Variants in SLC66A2 observed in about 807,000 individuals in gnomAD.
SLC66A2 encodes solute carrier family 66 member 2, also known as PQ loop repeat containing 1.
Under a neutral mutation model 25.5 loss-of-function variants are expected in SLC66A2, and 23 were observed. The ratio of observed to expected loss-of-function variants is 0.90; its 90% CI spans 0.65 to 1.28. The LOEUF (loss-of-function observed/expected upper bound fraction) is 1.28, where lower values mean the gene tolerates loss of function less well. SLC66A2 is among the 50% of genes most tolerant of loss of function. The pLI, the probability that SLC66A2 is intolerant of heterozygous loss-of-function variation, is 0.00. For synonymous variants in SLC66A2, 193 were observed against 166.5 expected (o/e 1.16, Z -1.23); for missense variants, 396 against 373.1 (o/e 1.06, Z -0.51).
chr18:79,915,388 G>GT (rs1179098366), intron 5 of SLC66A2: 1 of 152,368 alleles, frequency 6.6e-6, no homozygotes, highest in Non-Finnish European at 1.5e-5. Flanking sequence ...GCTCATTACC[G>GT]TAACTACAAC....
At chr18:79,912,133 T>TGGGAGCAGGGAGGGGAC (rs1568296610) in intron 5 of SLC66A2, among the ~76,000 whole-genome samples, 2 of 25,608 alleles carry the variant, frequency 7.8e-5, no homozygotes, top group African/African-American at 1.6e-4. Context: ...AGGGAGGGAG[T>TGGGAGCAGGGAGGGGAC]GGGAGCAGGG....
intron 5 of SLC66A2, 130 bp downstream of exon 5, chr18:79,919,054 T>C (rs1463318378): frequency 1.2e-6 from 1 of 841,410 alleles, no homozygotes; most frequent in Non-Finnish European, 1.9e-6. Context: ...TGCTATTCTT[T>C]AACCGGCAGC....
At chr18:79,924,500 A>G (rs542765488) in intron 4 of SLC66A2, among the ~76,000 whole-genome samples, 2 of 152,336 alleles carry the variant, frequency 1.3e-5, no homozygotes, top group African/African-American at 4.8e-5. Context: ...CTAATGAGAC[A>G]GTGGTGATGG....
At chr18:79,931,676 G>A (rs1254064420) in intron 4 of SLC66A2, among the ~76,000 whole-genome samples, 2 of 152,114 alleles carry the variant, frequency 1.3e-5, no homozygotes, top group South Asian at 2.1e-4. Flanking sequence ...TATTCTCCAG[G>A]ACAGATCATA....
chr18:79,943,308 TC>T lies in SLC66A2; in HGVS notation c.337+20del. 6.2e-7 allele frequency: 1 copy of T among 1,612,376 alleles called. No individual in the cohort carries two copies. The highest frequency in any genetic ancestry group is 8.5e-7 in the Non-Finnish European group (1 of 1,178,978). Reference sequence around the variant, plus strand: ...ACGCCCTGATTCCCTGCGACTTTATTCCGAAGCGCCGGCCACCAACCTGTAA... The same window carrying T: ...ACGCCCTGATTCCCTGCGACTTTATTCGAAGCGCCGGCCACCAACCTGTAA... On this transcript the variant is annotated intron_variant, in intron 3 of 5. Transcript: ENST00000397778.
intron 1 of SLC66A2, among the ~76,000 whole-genome samples, 144 bp downstream of exon 1, chr18:79,951,417 AGGCCCAGGATGGGGGCGCAC>A (rs1453958551): frequency 7.0e-6 from 1 of 143,460 alleles, no homozygotes; most frequent in African/African-American, 2.6e-5. Context: ...AAGGGGGCGC[AGGCCCAGGATGGGGGCGCAC>A]GGCTCGCGGG....
Position 79,940,908 on chromosome 18 carries a change from ATGCAGCTTGG to A in SLC66A2, c.337+2411_337+2420del. Among the ~76,000 whole-genome samples the A allele has an allele frequency of 6.6e-6, 1 of 152,290 alleles. No homozygotes were observed. The highest frequency in any genetic ancestry group is 1.9e-4 in the East Asian group (1 of 5,178). On this transcript the variant is annotated intron_variant, in intron 3 of 5. Coordinates refer to ENST00000397778, the MANE Select transcript of SLC66A2 (RefSeq NM_025078.5). The surrounding 1 kb of genome is among the most constrained non-coding windows in gnomAD (Gnocchi z 4.1). ...TGAGGTCATTTGGGGCCCAGGAGTC[ATGCAGCTTGG>A]TTCTCAGTCCTCCCCGGGGGAGGGC...
chr18:79,931,782 G>A lies in SLC66A2; in HGVS notation c.391+2187C>T, dbSNP rs189475070. The stretch of plus-strand genomic sequence containing the variant: ...AATCCTAGCTCTTTGGGAGGCTGTG[G>A]TGGGTGGGTGCCCTGAGCTCTGGAG... On this transcript the variant is annotated intron_variant, in intron 4 of 5. Transcript: ENST00000397778. 2.4e-3 allele frequency among the ~76,000 whole-genome samples: 368 copies of A among 152,270 alleles called. 2 individuals are homozygous for A. The highest frequency in any genetic ancestry group is 0.01 in the Middle Eastern group (3 of 294).
Position 79,902,919 on chromosome 18 carries a change from T to A in SLC66A2, c.*1057A>T, listed in dbSNP as rs1599456895. 1 of 152,016 alleles carries A rather than the reference T, an allele frequency of 6.6e-6. No homozygotes were observed. Among genetic ancestry groups the A allele is most frequent in the Non-Finnish European group, 1.5e-5 (1 of 68,264 alleles). 9.4% of individuals were successfully genotyped at this position (152,016 alleles called of 1,614,324 possible). The stretch of plus-strand genomic sequence containing the variant: ...AAGTGAGGGAGCCAGCACACGGGGG[T>A]GGGCAGTGGACAGGACAGGATGCGG... On this transcript the variant is annotated 3_prime_UTR_variant, in exon 6 of 6. Coordinates refer to ENST00000397778, the MANE Select transcript of SLC66A2 (RefSeq NM_025078.5).
rs531244353 is a variant in SLC66A2, at chr18:79,938,343, C to A, written c.338-4321G>T. Among the ~76,000 whole-genome samples the A allele has an allele frequency of 2.4e-3, 359 of 152,200 alleles. 4 individuals are homozygous for A. The highest frequency in any genetic ancestry group is 1.5e-3 in the Non-Finnish European group (103 of 68,026). ...AGACAGGTGTGCACTCACTCCCAAC[C>A]GCAGTCAGCCATGGCCTGGCCGAAG... On this transcript the variant is annotated intron_variant, in intron 3 of 5. Transcript: ENST00000397778.
intron 4 of SLC66A2, chr18:79,925,138 A>C (rs1469701663): frequency 6.6e-6 from 1 of 152,168 alleles, no homozygotes; most frequent in Non-Finnish European, 1.5e-5. Context: ...TAAATCAGCA[A>C]ATAAGAGAGA....
At chr18:79,916,304 C>CGTACCCGTGGTGCTCCT (rs1295597306) in intron 5 of SLC66A2, among the ~76,000 whole-genome samples, 11 of 151,680 alleles carry the variant, frequency 7.3e-5, no homozygotes, top group African/African-American at 2.7e-4. Flanking sequence ...GTGGTGCTCC[C>CGTACCCGTGGTGCTCCT]GTACCCGTGG....
chr18:79,910,952 G>C (rs1293946531), intron 5 of SLC66A2, among the ~76,000 whole-genome samples: 3 of 152,394 alleles, frequency 2.0e-5, no homozygotes, highest in African/African-American at 7.2e-5. Flanking sequence ...ATCAGGTAAA[G>C]CCATGTGGTC....
rs1395028601 is a variant in SLC66A2, at chr18:79,904,261, A to G, written c.609-78T>C. 7.5e-7 allele frequency: 1 copy of G among 1,338,396 alleles called. No individual in the cohort carries two copies. 82.9% of individuals were successfully genotyped at this position (1,338,396 alleles called of 1,614,324 possible). ...CAGTCAGTGGGGAGGCCTGGGGCTT[A>G]GACAGCGGGGAGACCTGGGGCTCAG... On this transcript the variant is annotated intron_variant, in intron 5 of 5. Transcript: ENST00000397778. This position sits in a 1 kb window ranked among gnomAD's most constrained non-coding sequence, Gnocchi z 6.3.
rs1171429810 is a variant in SLC66A2, at chr18:79,950,623, G to C, written c.203+101C>G. The C allele has an allele frequency of 2.6e-6, 3 of 1,132,246 alleles. No homozygotes were observed. In the African/African-American group the frequency reaches 4.6e-5, roughly 17 times the overall value. 70.1% of individuals were successfully genotyped at this position (1,132,246 alleles called of 1,614,324 possible). On this transcript the variant is annotated intron_variant, in intron 2 of 5. Coordinates refer to ENST00000397778, the MANE Select transcript of SLC66A2 (RefSeq NM_025078.5). ...GGCAGAGTGGGACGCTGGCCCAGCA[G>C]GGAGGTGTGGACCCTGCTGCTCCCC...
At chr18:79,916,923 A>T (rs1299728801) in intron 5 of SLC66A2, among the ~76,000 whole-genome samples, 1 of 152,256 alleles carries the variant, frequency 6.6e-6, no homozygotes, top group Non-Finnish European at 1.5e-5. Flanking sequence ...TGGGTGTCTA[A>T]GTGTGGGTGG....
chr18:79,918,906 C>T lies in SLC66A2; in HGVS notation c.608+278G>A, dbSNP rs1019852671. ...CCGTCTGGCCAGGCACTCGGACATC[C>T]CTCCCACTGGAAGGTTCCGTCTCAA... On this transcript the variant is annotated intron_variant, in intron 5 of 5. Coordinates refer to ENST00000397778, the MANE Select transcript of SLC66A2 (RefSeq NM_025078.5). The surrounding 1 kb of genome is among the most constrained non-coding windows in gnomAD (Gnocchi z 4.0). Among the ~76,000 whole-genome samples the T allele has an allele frequency of 6.6e-6, 1 of 152,218 alleles. No individual in the cohort carries two copies. The highest frequency in any genetic ancestry group is 2.4e-5 in the African/African-American group (1 of 41,456).
At chr18:79,914,476 G>C (rs1983691987) in intron 5 of SLC66A2, among the ~76,000 whole-genome samples, 1 of 152,142 alleles carries the variant, frequency 6.6e-6, no homozygotes, top group East Asian at 1.9e-4. Context: ...GCAGGAAGTG[G>C]GGGGTCACTC....
At chr18:79,916,312 T>C (rs1308032055) in intron 5 of SLC66A2, among the ~76,000 whole-genome samples, 2 of 134,758 alleles carry the variant, frequency 1.5e-5, no homozygotes, top group African/African-American at 5.3e-5. Context: ...CCCGTACCCG[T>C]GGTGCTCCCG....
Sources: gnomAD v4.1 joint callset for allele counts (sites outside exome capture counted in the v4.1 genomes callset) on GRCh38, gnomAD v4.1.1 for gene constraint, Gnocchi (gnomAD v3.1) non-coding constraint, MANE v1.5 for transcripts, NCBI Gene and HGNC (gene_info 2026-07-23, HGNC 2026-07-21) for gene names.